PLA2G15: variants seen among roughly 807,000 people sequenced by gnomAD.
PLA2G15 encodes the protein phospholipase A2 group XV, also known as lysosomal phospholipase A and acyltransferase.
In PLA2G15, 20 loss-of-function variants were observed where a neutral mutation model predicts 40.9. The ratio of observed to expected loss-of-function variants is 0.49; its 90% CI spans 0.34 to 0.71. The LOEUF (loss-of-function observed/expected upper bound fraction) is 0.71, where lower values mean the gene tolerates loss of function less well. PLA2G15 is among the 30% of genes least tolerant of loss of function. The probability of loss-of-function intolerance (pLI) is 0.01; values close to 1 mark genes in which losing one functional copy is unlikely to be tolerated. For synonymous variants in PLA2G15, 223 were observed against 228.2 expected (o/e 0.98, Z 0.21); for missense variants, 471 against 541.9 (o/e 0.87, Z 1.30).
In PLA2G15 at chr16:68,255,363, A is replaced by T; in HGVS notation, c.485A>T (p.Asp162Val). 1 of 1,611,302 alleles carries T rather than the reference A, an allele frequency of 6.2e-7. No individual in the cohort carries two copies. The highest frequency in any genetic ancestry group is 8.5e-7 in the Non-Finnish European group (1 of 1,178,634). ...GAGGATGTCCGAGGGGCTCCCTATGACTGGCGCCGAGCCCCAAGTAAGCAG... is the reference window on the plus strand; with the variant it reads ...GAGGATGTCCGAGGGGCTCCCTATGTCTGGCGCCGAGCCCCAAGTAAGCAG... ...RGEDVRGAPYDWRRAPNENGP... is the reference protein window; with the variant it reads ...RGEDVRGAPYVWRRAPNENGP... Residue 162 changes from aspartate to valine, a missense_variant, in exon 4 of 6, where the codon GAC becomes GTC. Physicochemically the swap from Asp to Val is radical, Grantham distance 152 (BLOSUM62 -3). Coordinates refer to ENST00000219345, the MANE Select transcript of PLA2G15 (RefSeq NM_012320.4). This position sits in a 1 kb window ranked among gnomAD's most constrained non-coding sequence, Gnocchi z 5.9.
intron 5 of PLA2G15, among the ~76,000 whole-genome samples, chr16:68,258,056 T>C (rs1404486846): frequency 1.3e-5 from 2 of 152,114 alleles, no homozygotes; most frequent in Admixed American, 1.3e-4. Flanking sequence ...GGTGGGGTGA[T>C]GGGTGACCAT....
rs1295275502 is a variant in PLA2G15, at chr16:68,260,826, C to G, written c.*1169C>G. 1 of 152,332 alleles carries G rather than the reference C, an allele frequency of 6.6e-6. No homozygotes were observed. 9.4% of individuals were successfully genotyped at this position (152,332 alleles called of 1,614,324 possible). On this transcript the variant is annotated 3_prime_UTR_variant, in exon 6 of 6. Coordinates refer to ENST00000219345, the MANE Select transcript of PLA2G15 (RefSeq NM_012320.4). ...AGGGCTGCCTTCATGGCAGTAGGCT[C>G]TAAGTGGGTGACTGGCCACAGGCCG...
chr16:68,248,818 A>G (rs1186510102), intron 1 of PLA2G15: 3 of 580,586 alleles, frequency 5.2e-6, no homozygotes, highest in Non-Finnish European at 6.6e-6. Flanking sequence ...CCATGTGTAG[A>G]GGTGTGTCTG....
chr16:68,246,187 C>T (rs144052734), intron 1 of PLA2G15, among the ~76,000 whole-genome samples: 1,580 of 152,362 alleles, frequency 0.01, 13 homozygotes, highest in South Asian at 0.024. Flanking sequence ...TGTACTCTTA[C>T]CCTGCCACAC....
intron 2 of PLA2G15, chr16:68,252,632 G>A: frequency 2.2e-6 from 1 of 455,782 alleles, no homozygotes; most frequent in South Asian, 1.5e-5. Context: ...CGTGTGTGGT[G>A]TTAGAAGCTG....
rs374321219 is a variant in PLA2G15, at chr16:68,259,492, C to T, written c.1074C>T (p.Asp358=). 203 of 1,613,152 alleles carry T rather than the reference C, an allele frequency of 1.3e-4. 1 individual carries two copies. Among genetic ancestry groups the T allele is most frequent in the African/African-American group, 1.2e-3 (91 of 75,060 alleles). ...PDRDPKICFG[D]GDGTVNLKSA... ...GTGACCCTAAAATCTGCTTTGGTGA[C>T]GGCGATGGTACTGTGAACTTGAAGA... is the stretch of plus-strand genomic sequence containing the variant. The change falls in exon 6 of 6, where the codon GAC becomes GAT. Residue 358 remains aspartate, a synonymous_variant. Coordinates refer to ENST00000219345, the MANE Select transcript of PLA2G15 (RefSeq NM_012320.4). The surrounding 1 kb of genome is among the most constrained non-coding windows in gnomAD (Gnocchi z 6.5).
At chr16:68,249,549 C>T in intron 2 of PLA2G15, 103 bp downstream of exon 2, 1 of 1,097,766 alleles carries the variant, frequency 9.1e-7, no homozygotes, top group Admixed American at 1.8e-5. Context: ...ACTGACCTCT[C>T]TCCTTCCCCA....
chr16:68,250,311 G>A (rs943006066), intron 2 of PLA2G15: 36 of 334,592 alleles, frequency 1.1e-4, no homozygotes, highest in African/African-American at 2.0e-4. Context: ...TTGCTCTGTC[G>A]CCCAGGCTGG....
intron 1 of PLA2G15, chr16:68,248,680 C>T: frequency 1.0e-6 from 1 of 992,160 alleles, no homozygotes; most frequent in East Asian, 1.1e-4. Context: ...AGCCCCTGCG[C>T]CCTGCCTCGA....
chr16:68,259,612 C>T lies in PLA2G15; in HGVS notation c.1194C>T (p.Asn398=), dbSNP rs770356245. 9 of 1,613,180 alleles carry T rather than the reference C, an allele frequency of 5.6e-6. No individual in the cohort carries two copies. The highest frequency in any genetic ancestry group is 4.4e-5 in the South Asian group (4 of 91,086). ...PGSEHIEMLA[N]ATTLAYLKRV... is the part of the protein sequence containing the mutation. Reference sequence around the variant, plus strand: ...GCGAGCACATCGAGATGCTGGCCAACGCCACCACCCTGGCCTATCTGAAAC... The same window carrying T: ...GCGAGCACATCGAGATGCTGGCCAATGCCACCACCCTGGCCTATCTGAAAC... The change falls in exon 6 of 6, where the codon AAC becomes AAT. Residue 398 remains asparagine (N), a synonymous_variant. Transcript: ENST00000219345. This position sits in a 1 kb window ranked among gnomAD's most constrained non-coding sequence, Gnocchi z 6.5.
At chr16:68,254,198 A>G (rs896325891) in intron 2 of PLA2G15, among the ~76,000 whole-genome samples, 1 of 152,150 alleles carries the variant, frequency 6.6e-6, no homozygotes, top group Non-Finnish European at 1.5e-5. Context: ...GAGTAGGGTC[A>G]CGGGGGAGAG....
At chr16:68,256,130 G>T in intron 5 of PLA2G15, 140 bp downstream of exon 5, 1 of 584,510 alleles carries the variant, frequency 1.7e-6, no homozygotes, top group Non-Finnish European at 3.0e-6. Flanking sequence ...ACCCCTAAAA[G>T]TCCAAAGAAG....
Position 68,248,783 on chromosome 16 carries a change from C to T in PLA2G15, c.128-507C>T, listed in dbSNP as rs1394812593. On this transcript the variant is annotated intron_variant, in intron 1 of 5. Transcript: ENST00000219345. Reference sequence around the variant, plus strand: ...AGCCCCTCCTCCCAGGCAGAGCTCCCATCGGGGTCCATTAACCATAGAAAC... The same window carrying T: ...AGCCCCTCCTCCCAGGCAGAGCTCCTATCGGGGTCCATTAACCATAGAAAC... 3.4e-6 allele frequency: 3 copies of T among 885,088 alleles called. No individual in the cohort carries two copies. In the East Asian group the frequency reaches 3.5e-4, roughly 104 times the overall value. 54.8% of individuals were successfully genotyped at this position (885,088 alleles called of 1,614,324 possible). A position where few individuals can be genotyped will look rare whatever the true frequency, so the allele number is the denominator to read the frequency against.
At chr16:68,248,174 G>A (rs12444188) in intron 1 of PLA2G15, 16,188 of 152,292 alleles carry the variant, frequency 0.11, 983 homozygotes, top group South Asian at 0.2. Context: ...GTAGGCTGGC[G>A]GGTGCCAATG....
At position 68,249,237 on chromosome 16, in the gene PLA2G15, G is replaced by A; in HGVS notation, c.128-53G>A. The A allele has an allele frequency of 1.9e-6, 3 of 1,542,548 alleles. No homozygotes were observed. The South Asian group carries it at 3.4e-5, about 18-fold the overall frequency. On this transcript the variant is annotated intron_variant, in intron 1 of 5. Transcript: ENST00000219345. ...CTGCTGCAGACATCAAAGTTCTTGG[G>A]AGTCTTGAACCTGCCGGGCTGAGGG...
intron 2 of PLA2G15, chr16:68,253,370 T>TTTTG (rs962728703): frequency 2.1e-5 from 9 of 426,246 alleles, no homozygotes; most frequent in East Asian, 7.5e-5. Context: ...TAGGGTTTGT[T>TTTTG]TTTGTTTGTT....
intron 2 of PLA2G15, chr16:68,253,482 T>A (rs1454801886): frequency 2.3e-6 from 1 of 435,662 alleles, no homozygotes; most frequent in Non-Finnish European, 4.6e-6. Context: ...CTCAAGCACT[T>A]CTCCTGCCTC....
chr16:68,254,724 C>T (rs1596948100), intron 2 of PLA2G15, 195 bp from the exon 3 acceptor site: 1 of 538,252 alleles, frequency 1.9e-6, no homozygotes, highest in East Asian at 3.2e-5. Context: ...ATCCTCCCAC[C>T]TCAGCCTCCC....
chr16:68,248,786 C>T (rs1385701249), intron 1 of PLA2G15: 8 of 884,046 alleles, frequency 9.0e-6, no homozygotes, highest in Non-Finnish European at 9.5e-6. Flanking sequence ...GAGCTCCCAT[C>T]GGGGTCCATT....
Sources: allele counts gnomAD v4.1 joint callset (sites outside exome capture counted in the v4.1 genomes callset), GRCh38; gene constraint gnomAD v4.1.1; non-coding constraint Gnocchi (gnomAD v3.1); transcripts MANE v1.5; gene names NCBI Gene and HGNC (gene_info 2026-07-23, HGNC 2026-07-21).